Variants in PCDHA1 observed in about 807,000 individuals in gnomAD.
PCDHA1 encodes protocadherin alpha-1.
In PCDHA1, 42 loss-of-function variants were observed where a neutral mutation model predicts 61.3. That is an observed-to-expected ratio of 0.69 (90% CI 0.54 to 0.89). The LOEUF is 0.89. Ranked by LOEUF, PCDHA1 falls within the 40% of genes least tolerant of loss-of-function variation. The pLI is 0.00. For synonymous variants in PCDHA1, 610 were observed against 553.8 expected, an observed-to-expected ratio of 1.10 and a Z score of -1.43; for missense variants, 1,256 against 1,235.3, an observed-to-expected ratio of 1.02 and a Z score of -0.25.
intron 1 of PCDHA1, chr5:140,809,326 C>A: frequency 1.2e-6 from 2 of 1,614,112 alleles, no homozygotes; most frequent in Non-Finnish European, 1.7e-6. Context: ...TTTTGGTGCT[C>A]ACGCTGCTGC....
Position 140,927,102 on chromosome 5 carries a change from A to G in PCDHA1, c.2395-51847A>G, listed in dbSNP as rs144696843. 1.4e-5 allele frequency: 23 copies of G among 1,613,520 alleles called. No individual in the cohort carries two copies. In the African/African-American group the frequency reaches 1.7e-4, roughly 12 times the overall value. ...GCGAGCTCTACTTCGGGGTGGATCTACCCAGCGGCAATTTGGTGGTCAGAG... is the reference window on the plus strand; with the variant it reads ...GCGAGCTCTACTTCGGGGTGGATCTGCCCAGCGGCAATTTGGTGGTCAGAG... On this transcript the variant is annotated intron_variant, in intron 1 of 3. Transcript: ENST00000504120.
chr5:140,788,513 C>T lies in PCDHA1; in HGVS notation c.2223C>T (p.Cys741=), dbSNP rs1581599738. Residue 741 remains cysteine (C), a synonymous_variant, in exon 1 of 4, where the codon TGC becomes TGT. Transcript: ENST00000504120. Reference sequence around the variant, plus strand: ...TGCCGGGCAAGCCCACTCTGGTGTGCTCCAGCGCGTTGGGGAGCTGGTCGA... The same window carrying T: ...TGCCGGGCAAGCCCACTCTGGTGTGTTCCAGCGCGTTGGGGAGCTGGTCGA... ...AYVPGKPTLV[C]SSALGSWSNS... 3 of 1,614,098 alleles carry T rather than the reference C, an allele frequency of 1.9e-6. No homozygotes were observed. In the East Asian group the frequency reaches 6.7e-5, roughly 36 times the overall value.
chr5:140,902,783 G>A (rs1013396334), intron 1 of PCDHA1, among the ~76,000 whole-genome samples: 19 of 151,054 alleles, frequency 1.3e-4, no homozygotes, highest in Admixed American at 9.2e-4. Flanking sequence ...TCATAGCTTA[G>A]CTCTCACTTG....
chr5:140,984,271 A>G (rs1403531837), intron 3 of PCDHA1, among the ~76,000 whole-genome samples: 1 of 152,196 alleles, frequency 6.6e-6, no homozygotes, highest in African/African-American at 2.4e-5. Context: ...ACTAACTTTG[A>G]ATACATTCTC....
chr5:140,838,485 T>C (rs1233460301), intron 1 of PCDHA1, among the ~76,000 whole-genome samples: 2 of 151,892 alleles, frequency 1.3e-5, no homozygotes, highest in Non-Finnish European at 2.9e-5. Flanking sequence ...TGTTTTTGAT[T>C]ATTTGCTTTC....
At chr5:140,824,673 T>C (rs1393313065) in intron 1 of PCDHA1, 1 of 143,292 alleles carries the variant, frequency 7.0e-6, no homozygotes, top group Non-Finnish European at 1.5e-5. Flanking sequence ...TTGCCCAGGC[T>C]GGTCTTGAAC....
chr5:140,883,238 G>C (rs782322627), intron 1 of PCDHA1: 1 of 1,613,886 alleles, frequency 6.2e-7, no homozygotes, highest in African/African-American at 1.3e-5. Context: ...GGAGGCAGTT[G>C]ACAAAGGAAA....
At chr5:140,885,453 C>T (rs1269332427) in intron 1 of PCDHA1, among the ~76,000 whole-genome samples, 3 of 152,100 alleles carry the variant, frequency 2.0e-5, no homozygotes, top group African/African-American at 7.2e-5. Flanking sequence ...ATATTATTTA[C>T]CTAATGATGG....
At chr5:140,966,666 C>T (rs2153748360) in intron 1 of PCDHA1, 7 of 1,259,308 alleles carry the variant, frequency 5.6e-6, no homozygotes, top group Non-Finnish European at 7.2e-6. Context: ...GGGGAGCAGG[C>T]GCAGGGTGGC....
Position 140,788,364 on chromosome 5 carries a change from G to T in PCDHA1, c.2074G>T (p.Ala692Ser). ...GGTGGGTGTCGCGGGCCCAGAGGCG[G>T]CGCTGGTGGATGTCAACGTGTACCT... ...ASVGVAGPEA[A>S]LVDVNVYLII... is the part of the protein sequence containing the mutation. The change falls in exon 1 of 4, where the codon GCG (alanine) becomes TCG (serine). Residue 692 changes from alanine (A) to serine (S), a missense_variant. Coordinates refer to ENST00000504120, the MANE Select transcript of PCDHA1 (RefSeq NM_018900.4). 1.9e-6 allele frequency: 3 copies of T among 1,614,018 alleles called. No homozygotes were observed. The highest frequency in any genetic ancestry group is 2.5e-6 in the Non-Finnish European group (3 of 1,179,960).
intron 3 of PCDHA1, among the ~76,000 whole-genome samples, chr5:141,007,339 T>C (rs2098316015): frequency 6.9e-6 from 1 of 143,904 alleles, no homozygotes; most frequent in Non-Finnish European, 1.5e-5. Context: ...TTGCCTGAGC[T>C]CAGGAGTTCG....
intron 1 of PCDHA1, chr5:140,869,070 A>G (rs1554162449): frequency 6.4e-7 from 1 of 1,572,828 alleles, no homozygotes; most frequent in Non-Finnish European, 8.6e-7. Flanking sequence ...TGTAAGTGTA[A>G]AGAAGCTTAT....
intron 1 of PCDHA1, chr5:140,884,714 C>A: frequency 1.4e-6 from 2 of 1,471,312 alleles, no homozygotes; most frequent in Non-Finnish European, 9.0e-7. Context: ...GCCTTCCTTG[C>A]AGTTGTTTGT....
At position 140,842,145 on chromosome 5, in the gene PCDHA1, G is replaced by A. The variant is rs2150330392; in HGVS notation, c.2394+53461G>A. On this transcript the variant is annotated intron_variant, in intron 1 of 3. Coordinates refer to ENST00000504120, the MANE Select transcript of PCDHA1 (RefSeq NM_018900.4). ...TCTGATCCGGATGAAGGAGCCAATGGGGCAATTTCATATTCTTTTAATAGC... is the reference window on the plus strand; with the variant it reads ...TCTGATCCGGATGAAGGAGCCAATGAGGCAATTTCATATTCTTTTAATAGC... The A allele has an allele frequency of 3.8e-5, 62 of 1,613,828 alleles. 1 individual carries two copies. The East Asian group carries it at 1.3e-3, about 35-fold the overall frequency.
chr5:140,841,787 G>A, intron 1 of PCDHA1: 1 of 1,613,878 alleles, frequency 6.2e-7, no homozygotes, highest in Non-Finnish European at 8.5e-7. Context: ...TCCGCTAGAG[G>A]GCGCGTCCGA....
intron 1 of PCDHA1, among the ~76,000 whole-genome samples, chr5:140,947,982 T>C (rs1178353293): frequency 1.3e-5 from 2 of 148,572 alleles, no homozygotes; most frequent in Admixed American, 1.3e-4. Flanking sequence ...CTCATAGGTT[T>C]TTCCCAAATA....
In PCDHA1 at chr5:140,882,793, C is replaced by A. The variant is rs1176435531; in HGVS notation, c.2394+94109C>A. 2.5e-6 allele frequency: 4 copies of A among 1,614,092 alleles called. No individual in the cohort carries two copies. In the Admixed American group the frequency reaches 6.7e-5, roughly 27 times the overall value. On this transcript the variant is annotated intron_variant, in intron 1 of 3. Coordinates refer to ENST00000504120, the MANE Select transcript of PCDHA1 (RefSeq NM_018900.4). ...CATTGACCTACCGACTGGATCCCAA[C>A]GATTATTTCACTTTGGACGCACAAA... is the stretch of plus-strand genomic sequence containing the variant.
At chr5:140,871,376 G>A in intron 1 of PCDHA1, 2 of 1,614,196 alleles carry the variant, frequency 1.2e-6, no homozygotes, top group Non-Finnish European at 1.7e-6. Flanking sequence ...CAGAGGGTGT[G>A]CTCTGAGGAG....
chr5:140,836,094 G>C, intron 1 of PCDHA1: 1 of 1,613,708 alleles, frequency 6.2e-7, no homozygotes, highest in Middle Eastern at 1.6e-4. Context: ...GCCTCGGGTG[G>C]GTGGCACTGG....
Sources: gnomAD v4.1 joint callset for allele counts (sites outside exome capture counted in the v4.1 genomes callset) on GRCh38, gnomAD v4.1.1 for gene constraint, MANE v1.5 for transcripts, NCBI Gene and HGNC (gene_info 2026-07-23, HGNC 2026-07-21) for gene names.